The following FSD1L variants were observed in gnomAD, a reference collection of about 807,000 sequenced individuals.
FSD1L encodes FSD1-like protein.
A neutral mutation model predicts 71.6 loss-of-function variants in FSD1L; 45 were observed. That is an observed-to-expected ratio of 0.63 (90% CI 0.49 to 0.81). The LOEUF is 0.81. Among genes scored for constraint, FSD1L ranks in the 30% least tolerant of loss-of-function variants. The pLI, the probability that FSD1L is intolerant of heterozygous loss-of-function variation, is 0.00. For missense variants in FSD1L, 561 were observed against 618.1 expected (o/e 0.91, Z 0.98); for synonymous variants, 197 against 207.2 (o/e 0.95, Z 0.42).
chr9:105,502,851 A>G (rs1191791624), intron 7 of FSD1L, among the ~76,000 whole-genome samples: 1 of 149,872 alleles, frequency 6.7e-6, no homozygotes, highest in Non-Finnish European at 1.5e-5. Context: ...CTTTTTCTGG[A>G]GGAGTTTCGT....
intron 10 of FSD1L, chr9:105,524,995 A>G: frequency 6.3e-7 from 1 of 1,590,764 alleles, no homozygotes; most frequent in African/African-American, 1.4e-5. Context: ...ATATGCCTGG[A>G]GGAGGTTTAT....
chr9:105,446,119 C>T (rs1588889946), upstream of FSD1L, among the ~76,000 whole-genome samples: 1 of 147,100 alleles, frequency 6.8e-6, no homozygotes, highest in Non-Finnish European at 1.5e-5. Context: ...AAAAAAATCA[C>T]AGTACAGTCA....
At position 105,549,578 on chromosome 9, in the gene FSD1L, A is replaced by G. The variant is rs1837184169; in HGVS notation, c.*3095A>G. The G allele has an allele frequency of 1.3e-5, 2 of 151,936 alleles. No homozygotes were observed. The highest frequency in any genetic ancestry group is 4.8e-5 in the African/African-American group (2 of 41,420). 9.4% of individuals were successfully genotyped at this position (151,936 alleles called of 1,614,324 possible). ...TCGTGAACTGCTGCTGTATGGCTAG[A>G]CTTTGCCTATTTACTCTGTTATGCA... is the stretch of plus-strand genomic sequence containing the variant. On this transcript the variant is annotated 3_prime_UTR_variant, in exon 14 of 14. Coordinates refer to ENST00000481272, the MANE Select transcript of FSD1L (RefSeq NM_001145313.3).
chr9:105,465,678 A>G (rs1018300548), intron 3 of FSD1L, among the ~76,000 whole-genome samples: 10 of 152,238 alleles, frequency 6.6e-5, no homozygotes, highest in African/African-American at 2.4e-4. Context: ...TAGTAGATGC[A>G]GAAAAAGAAT....
chr9:105,483,389 A>G (rs1174804065), intron 6 of FSD1L, among the ~76,000 whole-genome samples: 12 of 152,168 alleles, frequency 7.9e-5, no homozygotes, highest in African/African-American at 2.7e-4. Flanking sequence ...GGCAGATACA[A>G]TTGACTAGGC....
intron 13 of FSD1L, among the ~76,000 whole-genome samples, 195 bp from the exon 14 acceptor site, chr9:105,546,160 ACCT>A (rs1564159174): frequency 6.6e-6 from 1 of 151,798 alleles, no homozygotes; most frequent in Non-Finnish European, 1.5e-5. Flanking sequence ...TACCACCAAG[ACCT>A]CCTCTGGCCT....
rs577556823 is a variant in FSD1L, at chr9:105,516,220, C to T, written c.1025+3284C>T. ...GGACTTATAGATAAAACCCCTATCT[C>T]CCTGGGACAGAGCCCCTGGGGGAAG... On this transcript the variant is annotated intron_variant, in intron 10 of 13. Transcript: ENST00000481272. 9.8e-5 allele frequency among the ~76,000 whole-genome samples: 15 copies of T among 152,296 alleles called. No individual in the cohort carries two copies. The East Asian group carries it at 1.7e-3, about 18-fold the overall frequency.
At chr9:105,535,405 T>G (rs1020054610) in intron 12 of FSD1L, 87 bp downstream of exon 12, 104 of 1,360,446 alleles carry the variant, frequency 7.6e-5, no homozygotes, top group Non-Finnish European at 1.0e-4. Flanking sequence ...AGGATTTCCA[T>G]TAGTATTGTG....
At chr9:105,511,188 A>C (rs1834373726) in intron 9 of FSD1L, among the ~76,000 whole-genome samples, 1 of 146,804 alleles carries the variant, frequency 6.8e-6, no homozygotes, top group South Asian at 2.2e-4. Flanking sequence ...CAATGGTACT[A>C]TCTATTTTTT....
At chr9:105,524,474 G>C (rs1835378955) in intron 10 of FSD1L, 3 of 1,613,444 alleles carry the variant, frequency 1.9e-6, no homozygotes, top group East Asian at 4.5e-5. Flanking sequence ...TAAAGACACT[G>C]CTCCAACCAT....
chr9:105,481,176 T>TGG lies in FSD1L; in HGVS notation c.464+1801_464+1802insGG, dbSNP rs1554704181. Among the ~76,000 whole-genome samples the TGG allele has an allele frequency of 9.0e-4, 111 of 123,194 alleles. 1 individual carries two copies. The highest frequency in any genetic ancestry group is 1.6e-3 in the South Asian group (6 of 3,684). 80.8% of individuals were successfully genotyped at this position (123,194 alleles called of 152,430 possible). ...GTGTGTGTGTGTGTGTGTGTGTGTG[T>TGG]GTGGTTCTTTTTTTTTTTTTTTTTT... On this transcript the variant is annotated intron_variant, in intron 6 of 13. Transcript: ENST00000481272.
At chr9:105,477,258 C>T (rs1169297115) in intron 5 of FSD1L, among the ~76,000 whole-genome samples, 2 of 151,808 alleles carry the variant, frequency 1.3e-5, no homozygotes, top group Non-Finnish European at 2.9e-5. Context: ...AGTTTGAAAC[C>T]AGTTAGGAAA....
intron 7 of FSD1L, among the ~76,000 whole-genome samples, chr9:105,488,230 T>C (rs938199580): frequency 6.6e-6 from 1 of 152,220 alleles, no homozygotes; most frequent in Admixed American, 6.5e-5. Context: ...ATTTACTCTC[T>C]CCATAGTTTT....
At chr9:105,447,817 A>G (rs1314544330), upstream of FSD1L, 1 of 292,970 alleles carries the variant, frequency 3.4e-6, no homozygotes, top group Non-Finnish European at 6.4e-6. Flanking sequence ...GGCCCTCCGC[A>G]CCGGCCGGCT....
At chr9:105,496,392 A>G (rs1332323302) in intron 7 of FSD1L, among the ~76,000 whole-genome samples, 3 of 151,944 alleles carry the variant, frequency 2.0e-5, no homozygotes, top group African/African-American at 4.8e-5. Context: ...TTGCCTTTCC[A>G]TATAAACTTT....
In FSD1L at chr9:105,545,332, A is replaced by G. The variant is rs1363042113; in HGVS notation, c.1468-1026A>G. ...CTTAAGGAGATTTTGGGCTGAGACA[A>G]TGGGGTTTTCTAGATATACAATCAT... On this transcript the variant is annotated intron_variant, in intron 13 of 13. Coordinates refer to ENST00000481272, the MANE Select transcript of FSD1L (RefSeq NM_001145313.3). Among the ~76,000 whole-genome samples, 26 of 146,322 alleles carry G rather than the reference A, an allele frequency of 1.8e-4. 4 individuals carry two copies. The South Asian group carries it at 3.1e-3, about 17-fold the overall frequency.
chr9:105,525,807 T>C (rs1835472163), intron 10 of FSD1L: 1 of 1,607,504 alleles, frequency 6.2e-7, no homozygotes, highest in African/African-American at 1.3e-5. Flanking sequence ...ACCATTGTGG[T>C]TTTATGGGAG....
At chr9:105,532,956 A>G (rs984475654) in intron 10 of FSD1L, among the ~76,000 whole-genome samples, 3 of 152,198 alleles carry the variant, frequency 2.0e-5, no homozygotes, top group African/African-American at 7.2e-5. Flanking sequence ...TATGAAATGA[A>G]TCATATGAAA....
chr9:105,543,677 T>C (rs1270434445), intron 13 of FSD1L, among the ~76,000 whole-genome samples: 1 of 152,028 alleles, frequency 6.6e-6, no homozygotes, highest in Admixed American at 6.5e-5. Context: ...AGTGAGAACA[T>C]GTGGTGTTTG....
Sources: gnomAD v4.1 joint callset for allele counts (sites outside exome capture counted in the v4.1 genomes callset) on GRCh38, gnomAD v4.1.1 for gene constraint, MANE v1.5 for transcripts, NCBI Gene and HGNC (gene_info 2026-07-23, HGNC 2026-07-21) for gene names.